Variants in FGF14 observed in about 807,000 individuals in gnomAD.
FGF14 encodes fibroblast growth factor homologous factor 4.
Under a neutral mutation model 25.5 loss-of-function variants are expected in FGF14, and 5 were observed. That is an observed-to-expected ratio of 0.20 (90% CI 0.10 to 0.41). The LOEUF (loss-of-function observed/expected upper bound fraction) is 0.41, where lower values mean the gene tolerates loss of function less well. Among genes scored for constraint, FGF14 ranks in the 10% least tolerant of loss-of-function variants. The pLI, the probability that FGF14 is intolerant of heterozygous loss-of-function variation, is 1.00. For missense variants in FGF14, 222 were observed against 320.1 expected (o/e 0.69, Z 2.34); for synonymous variants, 138 against 118.3 (o/e 1.17, Z -1.08).
chr13:102,174,353 G>A (rs2048361177), intron 1 of FGF14, among the ~76,000 whole-genome samples: 1 of 149,522 alleles, frequency 6.7e-6, no homozygotes, highest in East Asian at 2.0e-4. Flanking sequence ...TTTTAGTACA[G>A]ACAAGGTTTC....
chr13:101,758,162 C>G lies in FGF14; in HGVS notation c.409-31352G>C, dbSNP rs114644230. On this transcript the variant is annotated intron_variant, in intron 3 of 4. Transcript: ENST00000376143. ...TTGAACACTTACCTTGAACTAAGTG[C>G]CTTTTTGTACATTATCTTAGTTTTA... Among the ~76,000 whole-genome samples, 189 of 152,204 alleles carry G rather than the reference C, an allele frequency of 1.2e-3. 1 individual carries two copies. The highest frequency in any genetic ancestry group is 4.4e-3 in the African/African-American group (181 of 41,544).
At position 101,876,579 on chromosome 13, in the gene FGF14, A is replaced by G. The variant is rs570017763; in HGVS notation, c.194-1283T>C. Among the ~76,000 whole-genome samples, 9 of 152,310 alleles carry G rather than the reference A, an allele frequency of 5.9e-5. 1 individual carries two copies. Among genetic ancestry groups the G allele is most frequent in the African/African-American group, 1.9e-4 (8 of 41,572 alleles). ...ACTCCATTGTACCTAGACTTGCTTC[A>G]TAGATGGTATAATATTGGAAAAATC... On this transcript the variant is annotated intron_variant, in intron 1 of 4. Transcript: ENST00000376143.
intron 3 of FGF14, among the ~76,000 whole-genome samples, chr13:101,846,673 G>A (rs906063918): frequency 7.9e-5 from 12 of 151,952 alleles, no homozygotes; most frequent in Non-Finnish European, 1.2e-4. Context: ...GATAACTTAC[G>A]TCTACATACT....
At chr13:102,023,839 A>C (rs1320302914) in intron 1 of FGF14, among the ~76,000 whole-genome samples, 1 of 152,064 alleles carries the variant, frequency 6.6e-6, no homozygotes, top group Non-Finnish European at 1.5e-5. Flanking sequence ...ATAATGCACA[A>C]GAGGAGAATA....
intron 1 of FGF14, among the ~76,000 whole-genome samples, chr13:102,152,466 A>G (rs1403015451): frequency 6.6e-6 from 1 of 152,202 alleles, no homozygotes; most frequent in Admixed American, 6.5e-5. Flanking sequence ...TGTCTGTGTC[A>G]TGATCTCTTC....
rs572060161 is a variant in FGF14 at position 102,086,394 on chromosome 13, G to A, written c.209-211098C>T. On this transcript the variant is annotated intron_variant, in intron 1 of 4. Coordinates refer to the FGF14 transcript ENST00000376131. ...AAATACAAAATATTAGCCGGGCGTG[G>A]TGGCGGGCGCATGTAGTCCCAGCTA... is the stretch of plus-strand genomic sequence containing the variant. Among the ~76,000 whole-genome samples the A allele has an allele frequency of 3.3e-5, 5 of 152,136 alleles. No individual in the cohort carries two copies. In the East Asian group the frequency reaches 9.7e-4, roughly 30 times the overall value.
chr13:102,349,532 AAG>A (rs537344935), intron 1 of FGF14, among the ~76,000 whole-genome samples: 2 of 152,220 alleles, frequency 1.3e-5, no homozygotes, highest in Non-Finnish European at 2.9e-5. Context: ...CAAGCATATT[AAG>A]AGAGTTTCCA....
intron 1 of FGF14, among the ~76,000 whole-genome samples, chr13:101,886,568 C>T (rs972797729): frequency 7.9e-5 from 12 of 152,026 alleles, no homozygotes; most frequent in Admixed American, 2.0e-4. Flanking sequence ...AAATGTAATA[C>T]GTAAGACCTG....
chr13:101,950,751 GTTTT>G (rs61285721), intron 1 of FGF14, among the ~76,000 whole-genome samples: 7,005 of 131,962 alleles, frequency 0.053, 498 homozygotes, highest in African/African-American at 0.18. Flanking sequence ...ACCTAATCAT[GTTTT>G]TTTTTTTTTT....
intron 1 of FGF14, among the ~76,000 whole-genome samples, chr13:102,347,669 T>G (rs2057152061): frequency 6.6e-6 from 1 of 152,166 alleles, no homozygotes; most frequent in African/African-American, 2.4e-5. Flanking sequence ...AACAGGAACA[T>G]GTTGCAAGAT....
intron 1 of FGF14, among the ~76,000 whole-genome samples, chr13:102,223,013 G>A (rs906864177): frequency 3.3e-5 from 5 of 152,084 alleles, no homozygotes; most frequent in African/African-American, 9.7e-5. Flanking sequence ...ATCATCTATC[G>A]GGATGCTATC....
intron 1 of FGF14, among the ~76,000 whole-genome samples, chr13:101,939,962 G>T (rs139920986): frequency 6.6e-6 from 1 of 152,154 alleles, no homozygotes; most frequent in Non-Finnish European, 1.5e-5. Flanking sequence ...TTTTGCAGAC[G>T]GATATATTAC....
At chr13:101,964,140 A>G (rs1158547120) in intron 1 of FGF14, among the ~76,000 whole-genome samples, 5 of 152,242 alleles carry the variant, frequency 3.3e-5, no homozygotes, top group African/African-American at 1.2e-4. Context: ...ATTTATATAC[A>G]GTATTGAATA....
chr13:102,166,526 T>C (rs562978742), intron 1 of FGF14, among the ~76,000 whole-genome samples: 1 of 152,082 alleles, frequency 6.6e-6, no homozygotes, highest in Non-Finnish European at 1.5e-5. Context: ...AGTGTCCTTT[T>C]TGAGTTCATT....
chr13:102,392,393 T>G (rs1255956835), intron 1 of FGF14, among the ~76,000 whole-genome samples: 10 of 152,338 alleles, frequency 6.6e-5, no homozygotes, highest in Non-Finnish European at 5.9e-5. Flanking sequence ...TACATAATCG[T>G]TTAAAAAAAT....
chr13:101,730,292 T>A (rs1311304091), intron 3 of FGF14, among the ~76,000 whole-genome samples: 1 of 152,184 alleles, frequency 6.6e-6, no homozygotes, highest in Non-Finnish European at 1.5e-5. Flanking sequence ...GAAAGTTGTT[T>A]GTAGCACATG....
intron 1 of FGF14, among the ~76,000 whole-genome samples, chr13:102,247,407 A>G (rs934686671): frequency 3.3e-5 from 5 of 152,122 alleles, no homozygotes; most frequent in African/African-American, 1.2e-4. Flanking sequence ...AAACAACCCC[A>G]TTAAAAACAA....
At chr13:102,079,165 T>C (rs1174473561) in intron 1 of FGF14, among the ~76,000 whole-genome samples, 1 of 152,106 alleles carries the variant, frequency 6.6e-6, no homozygotes, top group Non-Finnish European at 1.5e-5. Context: ...ATCAGTCTCT[T>C]CCCCAGAGAC....
In FGF14 at chr13:101,739,130, T is replaced by C. The variant is rs1003556047; in HGVS notation, c.409-12320A>G. Among the ~76,000 whole-genome samples, 21 of 133,394 alleles carry C rather than the reference T, an allele frequency of 1.6e-4. 1 individual carries two copies. The East Asian group carries it at 4.3e-3, about 28-fold the overall frequency. The allele number at this position is 133,394 out of a possible 152,430, so 87.5% of individuals were successfully genotyped here. A position where few individuals can be genotyped will look rare whatever the true frequency, so the allele number is the denominator to read the frequency against. ...ATACATGTATATATATATATATATA[T>C]ACCATTACAAATACTAAAATTGGTC... is the stretch of plus-strand genomic sequence containing the variant. On this transcript the variant is annotated intron_variant, in intron 3 of 4. Transcript: ENST00000376143.
Sources: allele counts gnomAD v4.1 joint callset (sites outside exome capture counted in the v4.1 genomes callset), GRCh38; gene constraint gnomAD v4.1.1; transcripts MANE v1.5; gene names NCBI Gene and HGNC (gene_info 2026-07-23, HGNC 2026-07-21).